Variants in ESR2 observed in about 807,000 individuals in gnomAD.
ESR2 encodes estrogen receptor 2, also known as estrogen receptor beta.
In ESR2, 36 loss-of-function variants were observed where a neutral mutation model predicts 49.6. The ratio of observed to expected loss-of-function variants is 0.73; its 90% CI spans 0.56 to 0.96. ESR2 has a LOEUF of 0.96. Ranked by LOEUF, ESR2 falls within the 40% of genes least tolerant of loss-of-function variation. ESR2 has a pLI of 0.00. For synonymous variants in ESR2, 320 were observed against 266.1 expected, an observed-to-expected ratio of 1.20 and a Z score of -1.97; for missense variants, 714 against 693.0, an observed-to-expected ratio of 1.03 and a Z score of -0.34.
At chr14:64,234,802 ACT>A (rs1242856689) in intron 8 of ESR2, 166 bp downstream of exon 8, 26 of 1,395,108 alleles carry the variant, frequency 1.9e-5, no homozygotes, top group Non-Finnish European at 2.5e-5. Flanking sequence ...TTCCATGCCC[ACT>A]CTGTGCCCAT....
chr14:64,295,198 AAC>A (rs1491157338), upstream of ESR2, among the ~76,000 whole-genome samples: 7,077 of 148,456 alleles, frequency 0.048, 368 homozygotes, highest in African/African-American at 0.13. Context: ...CCATTGTGAG[AAC>A]CCCCCAGTGT....
chr14:64,295,715 C>T (rs1249498536), upstream of ESR2, among the ~76,000 whole-genome samples: 1 of 152,118 alleles, frequency 6.6e-6, no homozygotes, highest in East Asian at 1.9e-4. Context: ...TCCTCCTTGC[C>T]ACCTTATGGA....
At chr14:64,272,261 G>C (rs1256039) in intron 3 of ESR2, among the ~76,000 whole-genome samples, 99,559 of 152,122 alleles carry the variant, frequency 0.65, 34,167 homozygotes, top group African/African-American at 0.88. Context: ...AAGTTTTTTT[G>C]TAGAGTTGTT....
At chr14:64,320,846 G>A (rs1343858091) in intron 1 of ESR2, among the ~76,000 whole-genome samples, 2 of 152,110 alleles carry the variant, frequency 1.3e-5, no homozygotes, top group African/African-American at 4.8e-5. Flanking sequence ...AGTGAGCTGA[G>A]ATCATGCCAT....
intron 1 of ESR2, among the ~76,000 whole-genome samples, chr14:64,312,127 G>C (rs1021721823): frequency 2.4e-4 from 37 of 152,088 alleles, no homozygotes; most frequent in African/African-American, 8.7e-4. Context: ...ACTCAAACTG[G>C]TAAAATGACA....
At chr14:64,285,408 G>T (rs2076767512) in intron 1 of ESR2, among the ~76,000 whole-genome samples, 1 of 152,138 alleles carries the variant, frequency 6.6e-6, no homozygotes, top group East Asian at 1.9e-4. Context: ...CATGCAAACT[G>T]CATTGTGAGG....
At chr14:64,266,017 A>T (rs2076321919) in intron 4 of ESR2, among the ~76,000 whole-genome samples, 1 of 152,178 alleles carries the variant, frequency 6.6e-6, no homozygotes, top group African/African-American at 2.4e-5. Context: ...GAAGGGCAAA[A>T]TATCCCATTG....
chr14:64,242,451 A>AATAT lies in ESR2; in HGVS notation c.1225+7091_1225+7094dup, dbSNP rs1264924992. Among the ~76,000 whole-genome samples, 792 of 126,692 alleles carry AATAT rather than the reference A, an allele frequency of 6.3e-3. 6 individuals are homozygous for AATAT. Among genetic ancestry groups the AATAT allele is most frequent in the African/African-American group, 0.021 (732 of 35,378 alleles). 83.1% of individuals were successfully genotyped at this position (126,692 alleles called of 152,430 possible). ...ACAAAACAAACAAACAAACAAAAAA[A>AATAT]ATATATATATATATATAAAATCATA... On this transcript the variant is annotated intron_variant, in intron 7 of 8. Coordinates refer to ENST00000341099, the MANE Select transcript of ESR2 (RefSeq NM_001437.3).
intron 1 of ESR2, among the ~76,000 whole-genome samples, chr14:64,335,596 A>G (rs1299446046): frequency 6.6e-6 from 1 of 152,028 alleles, no homozygotes; most frequent in Non-Finnish European, 1.5e-5. Flanking sequence ...ATCTAAATCA[A>G]ACTACCTCCC....
chr14:64,274,017 A>G (rs1161817396), intron 3 of ESR2, among the ~76,000 whole-genome samples: 1 of 148,188 alleles, frequency 6.7e-6, no homozygotes. Context: ...TTGTCTTACC[A>G]CAGTCTTGAC....
At chr14:64,299,510 C>G (rs2076998537) in intron 1 of ESR2, among the ~76,000 whole-genome samples, 1 of 151,828 alleles carries the variant, frequency 6.6e-6, no homozygotes, top group African/African-American at 2.4e-5. Context: ...CAGGCACCCA[C>G]CACCACACCC....
chr14:64,293,893 C>A (rs1887994), intron 1 of ESR2, 140 bp downstream of exon 1: 11,400 of 152,326 alleles, frequency 0.075, 523 homozygotes, highest in Non-Finnish European at 0.096. Context: ...CATTTTCCAA[C>A]TTTCCAGTAG....
intron 2 of ESR2, 59 bp downstream of exon 2, chr14:64,282,565 C>G: frequency 3.3e-6 from 5 of 1,505,540 alleles, no homozygotes; most frequent in Non-Finnish European, 4.5e-6. Context: ...TCTCACTCAA[C>G]CATAAAGTGA....
At chr14:64,324,234 T>C (rs930731706) in intron 1 of ESR2, among the ~76,000 whole-genome samples, 1 of 152,130 alleles carries the variant, frequency 6.6e-6, no homozygotes, top group African/African-American at 2.4e-5. Flanking sequence ...CAAGAAGAGA[T>C]TATAAAAGAC....
intron 3 of ESR2, among the ~76,000 whole-genome samples, chr14:64,271,135 T>TC (rs748084136): frequency 1.3e-5 from 2 of 151,874 alleles, no homozygotes; most frequent in Non-Finnish European, 2.9e-5. Context: ...AGACAGGGTC[T>TC]CCCTCTGTTG....
At chr14:64,325,315 TA>T (rs1328737840) in intron 1 of ESR2, among the ~76,000 whole-genome samples, 1 of 151,942 alleles carries the variant, frequency 6.6e-6, no homozygotes, top group Non-Finnish European at 1.5e-5. Context: ...TTTTGTTGAG[TA>T]AAAGTAGGAA....
intron 1 of ESR2, among the ~76,000 whole-genome samples, chr14:64,334,709 C>T (rs2077507459): frequency 1.3e-5 from 2 of 152,208 alleles, no homozygotes; most frequent in Non-Finnish European, 1.5e-5. Flanking sequence ...TGCAATGGTG[C>T]GATCTCAGCT....
chr14:64,303,402 A>T (rs866060094), intron 1 of ESR2: 1 of 145,666 alleles, frequency 6.9e-6, no homozygotes, highest in Non-Finnish European at 1.5e-5. Context: ...TTTTTTAAAG[A>T]GCTGGTTTAC....
chr14:64,273,891 G>C (rs1001123174), intron 3 of ESR2, among the ~76,000 whole-genome samples: 1 of 149,990 alleles, frequency 6.7e-6, no homozygotes, highest in Non-Finnish European at 1.5e-5. Flanking sequence ...TAAATGTTTG[G>C]TAAAATTCTG....
Sources: gnomAD v4.1 joint callset for allele counts (sites outside exome capture counted in the v4.1 genomes callset) on GRCh38, gnomAD v4.1.1 for gene constraint, MANE v1.5 for transcripts, NCBI Gene and HGNC (gene_info 2026-07-23, HGNC 2026-07-21) for gene names.